Variants in RAPGEF5 observed in about 807,000 individuals in gnomAD.
The protein encoded by RAPGEF5 is M-Ras-regulated GEF.
A neutral mutation model predicts 125.2 loss-of-function variants in RAPGEF5; 65 were observed. The observed-to-expected ratio is 0.52, with a 90% CI of 0.43 to 0.64. The LOEUF (loss-of-function observed/expected upper bound fraction) is 0.64. Among genes scored for constraint, RAPGEF5 ranks in the 30% least tolerant of loss-of-function variants. The probability of loss-of-function intolerance (pLI) is 0.00; values close to 1 mark genes in which losing one functional copy is unlikely to be tolerated. For missense variants in RAPGEF5, 958 were observed against 1,048.1 expected, an observed-to-expected ratio of 0.91 and a Z score of 1.19; for synonymous variants, 391 against 385.9, an observed-to-expected ratio of 1.01 and a Z score of -0.16.
intron 7 of RAPGEF5, among the ~76,000 whole-genome samples, chr7:22,261,611 G>A (rs559044663): frequency 6.6e-6 from 1 of 152,208 alleles, no homozygotes; most frequent in Middle Eastern, 3.4e-3. Flanking sequence ...AGGCAACAGA[G>A]TGAGACCCTG....
At chr7:22,298,531 G>A (rs1783120091) in intron 5 of RAPGEF5, 1 of 152,134 alleles carries the variant, frequency 6.6e-6, no homozygotes, top group East Asian at 1.9e-4. Flanking sequence ...CTCATAAAAT[G>A]AATGTGAAAC....
chr7:22,324,747 T>C (rs1442210902), intron 1 of RAPGEF5, among the ~76,000 whole-genome samples: 2 of 152,216 alleles, frequency 1.3e-5, no homozygotes, highest in Non-Finnish European at 2.9e-5. Flanking sequence ...CACAACAGAA[T>C]GACTCTCATG....
intron 11 of RAPGEF5, among the ~76,000 whole-genome samples, chr7:22,179,816 T>G (rs997423825): frequency 1.3e-5 from 2 of 152,196 alleles, no homozygotes; most frequent in Non-Finnish European, 2.9e-5. Context: ...ACAAATGCCA[T>G]GGCAACAATC....
At chr7:22,229,088 G>C (rs1216974832) in intron 8 of RAPGEF5, among the ~76,000 whole-genome samples, 2 of 152,138 alleles carry the variant, frequency 1.3e-5, no homozygotes, top group African/African-American at 4.8e-5. Flanking sequence ...GGATCTTCCA[G>C]GTTTACAGCC....
At chr7:22,158,630 T>C (rs982568176) in intron 14 of RAPGEF5, among the ~76,000 whole-genome samples, 4 of 151,900 alleles carry the variant, frequency 2.6e-5, no homozygotes, top group African/African-American at 9.7e-5. Context: ...TAGACAAAAA[T>C]CATTTTTTTT....
At chr7:22,266,371 T>C (rs1219022805) in intron 7 of RAPGEF5, among the ~76,000 whole-genome samples, 3 of 152,204 alleles carry the variant, frequency 2.0e-5, no homozygotes, top group African/African-American at 7.2e-5. Flanking sequence ...CCATTTCATA[T>C]TGAATTCTAA....
chr7:22,256,047 TC>T (rs1211723191), intron 7 of RAPGEF5, among the ~76,000 whole-genome samples: 1 of 152,192 alleles, frequency 6.6e-6, no homozygotes, highest in African/African-American at 2.4e-5. Flanking sequence ...ATCACATTAC[TC>T]TTGCCTGCCC....
intron 5 of RAPGEF5, among the ~76,000 whole-genome samples, chr7:22,295,589 G>A (rs1783041347): frequency 6.6e-6 from 1 of 152,110 alleles, no homozygotes; most frequent in Non-Finnish European, 1.5e-5. Context: ...AAATTTTGAA[G>A]GACTTAGTGT....
chr7:22,257,906 C>T (rs907436506), intron 7 of RAPGEF5, among the ~76,000 whole-genome samples: 1 of 152,086 alleles, frequency 6.6e-6, no homozygotes, highest in Non-Finnish European at 1.5e-5. Context: ...AGAATGACAA[C>T]TATCATTGAT....
intron 6 of RAPGEF5, among the ~76,000 whole-genome samples, chr7:22,274,778 T>C (rs79422003): frequency 0.018 from 2,752 of 152,282 alleles, 101 homozygotes; most frequent in East Asian, 0.12. Context: ...CTGTCTCTAA[T>C]TTTTCTCTCT....
chr7:22,169,045 G>A (rs1784260210), intron 11 of RAPGEF5, among the ~76,000 whole-genome samples: 2 of 152,286 alleles, frequency 1.3e-5, no homozygotes, highest in South Asian at 4.2e-4. Context: ...GCAATCAGTA[G>A]TCTAACTTAC....
chr7:22,247,874 C>A (rs1256340402), intron 7 of RAPGEF5, among the ~76,000 whole-genome samples: 1 of 152,064 alleles, frequency 6.6e-6, no homozygotes, highest in African/African-American at 2.4e-5. Context: ...AACGCAGGAA[C>A]AGAAAACCAA....
chr7:22,169,118 T>C (rs1279838391), intron 11 of RAPGEF5, among the ~76,000 whole-genome samples: 1 of 152,166 alleles, frequency 6.6e-6, no homozygotes, highest in Non-Finnish European at 1.5e-5. Flanking sequence ...GGGCATAAAT[T>C]AGACCTAGCA....
intron 11 of RAPGEF5, among the ~76,000 whole-genome samples, chr7:22,169,836 T>C (rs13223956): frequency 0.96 from 127,766 of 133,138 alleles, 61,331 homozygotes; most frequent in East Asian, 0.99. Context: ...CTCTAGCCTG[T>C]GCAACAGAGC....
intron 5 of RAPGEF5, among the ~76,000 whole-genome samples, chr7:22,297,505 A>G (rs1184506228): frequency 1.3e-5 from 2 of 152,178 alleles, no homozygotes; most frequent in African/African-American, 4.8e-5. Flanking sequence ...GAACAGGACC[A>G]CCCCACAGCA....
intron 17 of RAPGEF5, among the ~76,000 whole-genome samples, chr7:22,152,933 A>C (rs1236896258): frequency 6.6e-6 from 1 of 152,222 alleles, no homozygotes; most frequent in Non-Finnish European, 1.5e-5. Flanking sequence ...TCTAGTGATG[A>C]TTAGCAATGG....
chr7:22,230,796 C>A (rs149656444), intron 8 of RAPGEF5, 50 bp downstream of exon 8: 2 of 1,489,378 alleles, frequency 1.3e-6, no homozygotes, highest in East Asian at 2.4e-5. Flanking sequence ...TGTCTCACCA[C>A]CCTCAACACA....
intron 24 of RAPGEF5, among the ~76,000 whole-genome samples, chr7:22,127,036 T>C (rs1782769330): frequency 2.4e-5 from 2 of 83,720 alleles, no homozygotes; most frequent in Non-Finnish European, 2.3e-5. Context: ...CAGGCAAAAG[T>C]CTTCTTTTTT....
chr7:22,135,706 CT>C (rs768217848), intron 23 of RAPGEF5, among the ~76,000 whole-genome samples: 26 of 152,168 alleles, frequency 1.7e-4, no homozygotes, highest in Admixed American at 6.5e-4. Context: ...TTATGCCAGC[CT>C]TATTCTTGGT....
Sources: allele counts gnomAD v4.1 joint callset (sites outside exome capture counted in the v4.1 genomes callset), GRCh38; gene constraint gnomAD v4.1.1; transcripts MANE v1.5; gene names NCBI Gene and HGNC (gene_info 2026-07-23, HGNC 2026-07-21).